Variants in SHANK2 observed in about 807,000 individuals in gnomAD.
The protein encoded by SHANK2 is SH3 and multiple ankyrin repeat domains protein 2.
A neutral mutation model predicts 133.7 loss-of-function variants in SHANK2; 43 were observed. That is an observed-to-expected ratio of 0.32 (90% CI 0.25 to 0.41). SHANK2 has a LOEUF of 0.41. Ranked by LOEUF, SHANK2 falls within the 10% of genes least tolerant of loss-of-function variation. The pLI, the probability that SHANK2 is intolerant of heterozygous loss-of-function variation, is 1.00. For missense variants in SHANK2, 1,994 were observed against 2,235.8 expected (o/e 0.89, Z 2.18); for synonymous variants, 1,017 against 952.8 (o/e 1.07, Z -1.24).
intron 11 of SHANK2, among the ~76,000 whole-genome samples, chr11:70,824,034 T>C (rs186822001): frequency 1.3e-4 from 17 of 134,708 alleles, no homozygotes; most frequent in Admixed American, 2.3e-4. Context: ...GCAGGTTTCA[T>C]TGAAGACAAA....
chr11:70,522,286 G>A (rs1035299958), intron 17 of SHANK2, among the ~76,000 whole-genome samples: 5 of 152,340 alleles, frequency 3.3e-5, no homozygotes, highest in Admixed American at 3.3e-4. Flanking sequence ...CTGAATGCAC[G>A]GCTTAACCTC....
chr11:70,862,282 A>G (rs1429682749), intron 11 of SHANK2, among the ~76,000 whole-genome samples: 1 of 152,162 alleles, frequency 6.6e-6, no homozygotes, highest in Non-Finnish European at 1.5e-5. Flanking sequence ...GTGTGACACA[A>G]TCTGATTTAT....
At chr11:70,674,546 G>C (rs1944873693) in intron 15 of SHANK2, among the ~76,000 whole-genome samples, 1 of 152,314 alleles carries the variant, frequency 6.6e-6, no homozygotes. Context: ...ACGGGGTTTT[G>C]CCATGTTGGC....
intron 3 of SHANK2, among the ~76,000 whole-genome samples, chr11:71,127,465 A>G (rs1555102931): frequency 6.6e-6 from 1 of 152,192 alleles, no homozygotes; most frequent in Admixed American, 6.5e-5. Context: ...TTAATGCAGC[A>G]AACTTCTTTG....
chr11:71,059,948 T>G (rs1006372021), intron 9 of SHANK2, among the ~76,000 whole-genome samples: 17 of 152,120 alleles, frequency 1.1e-4, no homozygotes, highest in Non-Finnish European at 2.4e-4. Context: ...GAGTCAGGCA[T>G]GTGGAAGTGA....
intron 14 of SHANK2, among the ~76,000 whole-genome samples, chr11:70,734,387 T>C (rs1946357119): frequency 6.6e-6 from 1 of 152,196 alleles, no homozygotes; most frequent in African/African-American, 2.4e-5. Context: ...CATTTCATGA[T>C]GAGCGTGAGG....
chr11:70,499,704 C>T (rs2059023232), intron 21 of SHANK2, among the ~76,000 whole-genome samples: 1 of 152,200 alleles, frequency 6.6e-6, no homozygotes, highest in Non-Finnish European at 1.5e-5. Context: ...GCAGTGGGGC[C>T]TAGAAAGCCC....
intron 14 of SHANK2, among the ~76,000 whole-genome samples, chr11:70,742,725 C>A (rs1946555004): frequency 6.6e-6 from 1 of 152,236 alleles, no homozygotes; most frequent in Non-Finnish European, 1.5e-5. Context: ...TGCACAGCCA[C>A]CCCACTGGGC....
At chr11:70,848,152 C>T (rs1265624087) in intron 11 of SHANK2, among the ~76,000 whole-genome samples, 3 of 152,244 alleles carry the variant, frequency 2.0e-5, no homozygotes, top group African/African-American at 7.2e-5. Flanking sequence ...AGCCTTCTCT[C>T]CACGGAGGCT....
chr11:70,502,261 C>T lies in SHANK2; in HGVS notation c.2223G>A (p.Pro741=), dbSNP rs374591072. Residue 741 remains proline (P), a synonymous_variant, in exon 19 of 26, where the codon CCG becomes CCA. Coordinates refer to ENST00000601538, the MANE Select transcript of SHANK2 (RefSeq NM_012309.5). Reference sequence around the variant, plus strand: ...TGGAGCGCAGGGTGAGGGCTGTGGTCGGTGCCCGCTTTGGAGGCGGGGGAG... The same window carrying T: ...TGGAGCGCAGGGTGAGGGCTGTGGTTGGTGCCCGCTTTGGAGGCGGGGGAG... The part of the protein sequence containing the change: ...KKAPPPPKRA[P]TTALTLRSKS... The T allele has an allele frequency of 1.9e-5, 30 of 1,558,018 alleles. 1 individual carries two copies. Among genetic ancestry groups the T allele is most frequent in the Middle Eastern group, 1.7e-4 (1 of 5,874 alleles).
intron 14 of SHANK2, among the ~76,000 whole-genome samples, chr11:70,762,526 C>T (rs1043310512): frequency 5.3e-5 from 8 of 152,124 alleles, no homozygotes; most frequent in Non-Finnish European, 8.8e-5. Flanking sequence ...GCCAAGTGTC[C>T]GGGTGCTTGG....
chr11:70,499,559 G>T (rs1256121861), intron 21 of SHANK2, among the ~76,000 whole-genome samples: 1 of 152,238 alleles, frequency 6.6e-6, no homozygotes, highest in Non-Finnish European at 1.5e-5. Flanking sequence ...TCCTCAGTTA[G>T]GTGATGAATA....
chr11:70,868,799 C>T (rs995884119), intron 11 of SHANK2, among the ~76,000 whole-genome samples: 2 of 152,214 alleles, frequency 1.3e-5, no homozygotes, highest in African/African-American at 2.4e-5. Flanking sequence ...CTCATCCTCA[C>T]CCATTCTCTT....
chr11:70,800,529 C>T (rs1204801554), intron 13 of SHANK2, among the ~76,000 whole-genome samples: 1 of 152,194 alleles, frequency 6.6e-6, no homozygotes, highest in Non-Finnish European at 1.5e-5. Flanking sequence ...TCATTTGAAT[C>T]TCAAAGGCCA....
chr11:70,594,860 C>T (rs1468955143), intron 17 of SHANK2, among the ~76,000 whole-genome samples: 1 of 152,206 alleles, frequency 6.6e-6, no homozygotes, highest in Non-Finnish European at 1.5e-5. Flanking sequence ...CATGCTCCTC[C>T]AGCCCTGCAG....
intron 11 of SHANK2, among the ~76,000 whole-genome samples, chr11:70,877,054 A>G (rs1555071481): frequency 1.3e-5 from 2 of 152,228 alleles, no homozygotes; most frequent in South Asian, 2.1e-4. Flanking sequence ...TTCCTGTCCC[A>G]GCCACACAAT....
chr11:71,136,064 C>T (rs563357812), intron 3 of SHANK2, among the ~76,000 whole-genome samples: 16 of 152,178 alleles, frequency 1.1e-4, no homozygotes, highest in South Asian at 6.2e-4. Flanking sequence ...CTGGTTGCGA[C>T]GGCTGAATCA....
intron 3 of SHANK2, among the ~76,000 whole-genome samples, chr11:71,136,681 G>T (rs1555104821): frequency 6.6e-6 from 1 of 152,170 alleles, no homozygotes; most frequent in Admixed American, 6.6e-5. Flanking sequence ...GCCACATGTT[G>T]TTTGACTCCA....
chr11:70,863,427 C>T (rs1555068271), intron 11 of SHANK2: 1 of 457,904 alleles, frequency 2.2e-6, no homozygotes, highest in South Asian at 1.5e-5. Context: ...TGCTCGGTGC[C>T]CTGGGACGCC....
Sources: allele counts gnomAD v4.1 joint callset (sites outside exome capture counted in the v4.1 genomes callset), GRCh38; gene constraint gnomAD v4.1.1; transcripts MANE v1.5; gene names NCBI Gene and HGNC (gene_info 2026-07-23, HGNC 2026-07-21).